Variants in HEMK2 observed in about 807,000 individuals in gnomAD.
HEMK2 encodes the protein methyltransferase HEMK2.
At chr21:28,863,141 A>G in the HEMK2 span, among the ~76,000 whole-genome samples, 2 of 152,056 alleles carry the variant, frequency 1.3e-5, no homozygotes. Context: ...GGGCTGGGAA[A>G]GGCAGATCCA....
the HEMK2 span, among the ~76,000 whole-genome samples, chr21:28,637,793 A>C: frequency 1.3e-5 from 2 of 152,218 alleles, no homozygotes; most frequent in Non-Finnish European, 2.9e-5. Flanking sequence ...ATTTTGAAGA[A>C]TTTTAATATA....
the HEMK2 span, among the ~76,000 whole-genome samples, chr21:28,801,306 T>A: frequency 6.6e-6 from 1 of 152,210 alleles, no homozygotes; most frequent in Non-Finnish European, 1.5e-5. Context: ...TAAAATTGGA[T>A]TCATACCTCA....
the HEMK2 span, among the ~76,000 whole-genome samples, chr21:28,688,223 A>G: frequency 3.9e-5 from 6 of 152,238 alleles, no homozygotes; most frequent in Non-Finnish European, 1.5e-5. Context: ...TTGCCCATTC[A>G]TTGAGAGTAC....
chr21:28,798,814 T>G, the HEMK2 span, among the ~76,000 whole-genome samples: 1 of 152,170 alleles, frequency 6.6e-6, no homozygotes, highest in Non-Finnish European at 1.5e-5. Flanking sequence ...GACACAAATC[T>G]CCATGCATTG....
At chr21:28,831,526 G>GAAAGAAAGAAAGAAAGAAAGAAAGAAA in the HEMK2 span, among the ~76,000 whole-genome samples, 1 of 34,808 alleles carries the variant, frequency 2.9e-5, no homozygotes, top group Non-Finnish European at 5.1e-5. Context: ...AAAGAAAGAA[G>GAAAGAAAGAAAGAAAGAAAGAAAGAAA]GAAAGAAGGA....
chr21:28,778,843 A>C, the HEMK2 span, among the ~76,000 whole-genome samples: 3 of 152,110 alleles, frequency 2.0e-5, no homozygotes, highest in Non-Finnish European at 4.4e-5. Flanking sequence ...CCTTTGCTGG[A>C]TATGTGGTTT....
At chr21:28,785,271 C>T in the HEMK2 span, among the ~76,000 whole-genome samples, 1 of 152,196 alleles carries the variant, frequency 6.6e-6, no homozygotes, top group Admixed American at 6.5e-5. Context: ...ATTCCAGACA[C>T]AATATCATTA....
the HEMK2 span, among the ~76,000 whole-genome samples, chr21:28,698,915 G>T: frequency 1.1e-4 from 17 of 152,100 alleles, no homozygotes; most frequent in African/African-American, 3.1e-4. Context: ...ACCCCACATG[G>T]GTGGCGAATG....
chr21:28,806,511 T>C, the HEMK2 span, among the ~76,000 whole-genome samples: 2 of 152,108 alleles, frequency 1.3e-5, no homozygotes, highest in East Asian at 1.9e-4. Flanking sequence ...TAATTATAGA[T>C]GAAATTAGTT....
chr21:28,848,201 T>C, the HEMK2 span, among the ~76,000 whole-genome samples: 39,480 of 152,090 alleles, frequency 0.26, 5,896 homozygotes, highest in African/African-American at 0.4. Context: ...ATTCTATAAA[T>C]TGCTTTCAGT....
At chr21:28,784,094 G>C in the HEMK2 span, among the ~76,000 whole-genome samples, 2 of 152,216 alleles carry the variant, frequency 1.3e-5, no homozygotes, top group African/African-American at 2.4e-5. Flanking sequence ...CCATCCCCCA[G>C]CTCCACAGCG....
the HEMK2 span, among the ~76,000 whole-genome samples, chr21:28,630,259 C>A: frequency 6.6e-6 from 1 of 151,984 alleles, no homozygotes; most frequent in African/African-American, 2.4e-5. Context: ...GAATGGCGAT[C>A]ATTAAAAAAT....
the HEMK2 span, among the ~76,000 whole-genome samples, chr21:28,721,463 G>A: frequency 6.6e-6 from 1 of 151,956 alleles, no homozygotes; most frequent in Non-Finnish European, 1.5e-5. Context: ...TACATAATAG[G>A]CATTAAAAGT....
At chr21:28,850,883 G>C in the HEMK2 span, among the ~76,000 whole-genome samples, 1 of 152,186 alleles carries the variant, frequency 6.6e-6, no homozygotes, top group Non-Finnish European at 1.5e-5. Context: ...ATCAGTGCAG[G>C]CTGGGGAAGA....
the HEMK2 span, among the ~76,000 whole-genome samples, chr21:28,607,649 C>T: frequency 5.8e-3 from 886 of 152,200 alleles, 14 homozygotes; most frequent in African/African-American, 0.021. Context: ...GTAAACTTCA[C>T]GGAGGCAGAA....
At chr21:28,855,998 T>G in the HEMK2 span, among the ~76,000 whole-genome samples, 1 of 146,486 alleles carries the variant, frequency 6.8e-6, no homozygotes, top group Non-Finnish European at 1.5e-5. Flanking sequence ...AGACAAAAAA[T>G]AATATGTTTT....
At chr21:28,680,632 C>T in the HEMK2 span, among the ~76,000 whole-genome samples, 1 of 152,154 alleles carries the variant, frequency 6.6e-6, no homozygotes, top group African/African-American at 2.4e-5. Context: ...CCCTGATGAA[C>T]ATTGATGCAA....
At chr21:28,597,409 T>C in the HEMK2 span, among the ~76,000 whole-genome samples, 1 of 152,216 alleles carries the variant, frequency 6.6e-6, no homozygotes, top group African/African-American at 2.4e-5. Context: ...TTATAAATCA[T>C]GCTAAATACT....
the HEMK2 span, among the ~76,000 whole-genome samples, chr21:28,771,023 G>A: frequency 6.6e-6 from 1 of 150,936 alleles, no homozygotes; most frequent in Admixed American, 6.6e-5. Flanking sequence ...ACACACACGC[G>A]CAACTTACTG....
Sources: gnomAD v4.1 joint callset for allele counts (sites outside exome capture counted in the v4.1 genomes callset) on GRCh38, gnomAD v4.1.1 for gene constraint, MANE v1.5 for transcripts, NCBI Gene and HGNC (gene_info 2026-07-23, HGNC 2026-07-21) for gene names.